UNC5D: variants seen among roughly 807,000 people sequenced by gnomAD.
UNC5D encodes the protein netrin receptor UNC5D.
Under a neutral mutation model 105.4 loss-of-function variants are expected in UNC5D, and 39 were observed. The ratio of observed to expected loss-of-function variants is 0.37; its 90% CI spans 0.29 to 0.48. The LOEUF is 0.48. UNC5D is among the 20% of genes least tolerant of loss of function. The probability of loss-of-function intolerance (pLI) is 0.98; values close to 1 mark genes in which losing one functional copy is unlikely to be tolerated. For missense variants in UNC5D, 991 were observed against 1,202.4 expected, an observed-to-expected ratio of 0.82 and a Z score of 2.60; for synonymous variants, 452 against 450.4, an observed-to-expected ratio of 1.00 and a Z score of -0.04.
At position 35,260,426 on chromosome 8, in the gene UNC5D, C is replaced by G. The variant is rs555261703; in HGVS notation, c.103+24539C>G. 6.6e-5 allele frequency among the ~76,000 whole-genome samples: 10 copies of G among 152,296 alleles called. No individual in the cohort carries two copies. In the South Asian group the frequency reaches 1.7e-3, roughly 25 times the overall value. On this transcript the variant is annotated intron_variant, in intron 1 of 16. Coordinates refer to ENST00000404895, the MANE Select transcript of UNC5D (RefSeq NM_080872.4). The stretch of plus-strand genomic sequence containing the variant: ...ATTTGCGTCGTCCACAAAGTACACA[C>G]GACCAAAGTGTTATCTGCAGGAAGG...
Position 35,343,418 on chromosome 8 carries a change from G to A in UNC5D, c.103+107531G>A, listed in dbSNP as rs947544273. On this transcript the variant is annotated intron_variant, in intron 1 of 16. Coordinates refer to ENST00000404895, the MANE Select transcript of UNC5D (RefSeq NM_080872.4). ...TCTTGTAAAAACATCTGATTTCATC[G>A]ATCACTCAATATTGAATACTTTCAT... Among the ~76,000 whole-genome samples, 4 of 152,034 alleles carry A rather than the reference G, an allele frequency of 2.6e-5. 1 individual carries two copies. Among genetic ancestry groups the A allele is most frequent in the Admixed American group, 1.3e-4 (2 of 15,256 alleles).
chr8:35,309,398 C>T (rs2128877432), intron 1 of UNC5D, among the ~76,000 whole-genome samples: 1 of 152,246 alleles, frequency 6.6e-6, no homozygotes, highest in South Asian at 2.1e-4. Flanking sequence ...GGATAACACC[C>T]AGAATCATTG....
intron 4 of UNC5D, among the ~76,000 whole-genome samples, chr8:35,670,988 G>GAAATAAATT (rs61603358): frequency 6.6e-6 from 1 of 151,518 alleles, no homozygotes; most frequent in African/African-American, 2.4e-5. Context: ...TTCAAGATGA[G>GAAATAAATT]AAATAACCTA....
At chr8:35,302,782 T>C (rs1430584654) in intron 1 of UNC5D, among the ~76,000 whole-genome samples, 1 of 152,174 alleles carries the variant, frequency 6.6e-6, no homozygotes, top group African/African-American at 2.4e-5. Flanking sequence ...ACAAGATAAG[T>C]ATGCCATCCT....
intron 1 of UNC5D, among the ~76,000 whole-genome samples, chr8:35,304,664 A>G (rs1808208899): frequency 6.6e-6 from 1 of 152,124 alleles, no homozygotes; most frequent in African/African-American, 2.4e-5. Context: ...AAAGACTGTA[A>G]TAATTTTGTA....
At chr8:35,271,181 A>G (rs1805258131) in intron 1 of UNC5D, among the ~76,000 whole-genome samples, 1 of 149,510 alleles carries the variant, frequency 6.7e-6, no homozygotes, top group African/African-American at 2.4e-5. Context: ...ATATTTGTAT[A>G]TATAAATTAA....
chr8:35,456,993 G>A (rs925724736), intron 1 of UNC5D, among the ~76,000 whole-genome samples: 1 of 152,138 alleles, frequency 6.6e-6, no homozygotes, highest in African/African-American at 2.4e-5. Context: ...GCATTTTCTC[G>A]AGGTTTTGAG....
chr8:35,787,708 C>G (rs373650523), intron 16 of UNC5D, among the ~76,000 whole-genome samples: 3 of 152,130 alleles, frequency 2.0e-5, no homozygotes, highest in African/African-American at 7.2e-5. Context: ...GCTTTGAACT[C>G]CTGGGCTTAT....
chr8:35,779,917 A>G (rs1217702064), intron 16 of UNC5D, among the ~76,000 whole-genome samples: 1 of 152,192 alleles, frequency 6.6e-6, no homozygotes, highest in Non-Finnish European at 1.5e-5. Flanking sequence ...CTGAAATTCT[A>G]TTAGATCATT....
At chr8:35,734,296 A>C (rs1829342244) in intron 11 of UNC5D, among the ~76,000 whole-genome samples, 1 of 125,308 alleles carries the variant, frequency 8.0e-6, no homozygotes, top group Admixed American at 1.1e-4. Context: ...ACAGTGCTTT[A>C]CTCCCTCTGC....
intron 7 of UNC5D, among the ~76,000 whole-genome samples, chr8:35,700,461 GA>G (rs1461744846): frequency 5.3e-5 from 8 of 151,334 alleles, no homozygotes; most frequent in South Asian, 4.2e-4. Flanking sequence ...TTAATTTTTG[GA>G]AAAAAAATAC....
chr8:35,326,618 G>A (rs1810180213), intron 1 of UNC5D, among the ~76,000 whole-genome samples: 1 of 152,120 alleles, frequency 6.6e-6, no homozygotes, highest in South Asian at 2.1e-4. Flanking sequence ...GCCAAGCTTG[G>A]AGGCACAAGC....
chr8:35,321,859 C>T (rs564209547), intron 1 of UNC5D, among the ~76,000 whole-genome samples: 2 of 152,288 alleles, frequency 1.3e-5, no homozygotes, highest in Non-Finnish European at 2.9e-5. Flanking sequence ...TCACTTCTTA[C>T]TTCACCTTCC....
At chr8:35,310,217 T>C (rs536229615) in intron 1 of UNC5D, among the ~76,000 whole-genome samples, 1 of 152,336 alleles carries the variant, frequency 6.6e-6, no homozygotes, top group South Asian at 2.1e-4. Flanking sequence ...ATGTTCTGTT[T>C]GCTTTAATAT....
At chr8:35,635,463 G>A (rs1352344187) in intron 4 of UNC5D, among the ~76,000 whole-genome samples, 1 of 152,128 alleles carries the variant, frequency 6.6e-6, no homozygotes. Context: ...ACCAGCTCTG[G>A]CTTTGAAGCA....
At chr8:35,260,881 G>A (rs1241780564) in intron 1 of UNC5D, among the ~76,000 whole-genome samples, 2 of 152,132 alleles carry the variant, frequency 1.3e-5, no homozygotes, top group Non-Finnish European at 2.9e-5. Flanking sequence ...ATTAGCTCCA[G>A]ACCCTGGTTC....
intron 1 of UNC5D, among the ~76,000 whole-genome samples, chr8:35,421,924 C>T (rs1319604597): frequency 4.6e-5 from 7 of 152,174 alleles, no homozygotes; most frequent in Admixed American, 2.6e-4. Context: ...TTCACTGATG[C>T]TCTTCTGAAA....
At chr8:35,408,896 C>T (rs143805899) in intron 1 of UNC5D, among the ~76,000 whole-genome samples, 2 of 152,104 alleles carry the variant, frequency 1.3e-5, no homozygotes, top group East Asian at 3.9e-4. Context: ...ATTCAAGATA[C>T]AGAGTAATTA....
chr8:35,381,546 G>T (rs1433645803), intron 1 of UNC5D, among the ~76,000 whole-genome samples: 1 of 152,174 alleles, frequency 6.6e-6, no homozygotes, highest in East Asian at 1.9e-4. Flanking sequence ...CCGTGATTAT[G>T]TGTCTTAACT....
Sources: gnomAD v4.1 joint callset for allele counts (sites outside exome capture counted in the v4.1 genomes callset) on GRCh38, gnomAD v4.1.1 for gene constraint, MANE v1.5 for transcripts, NCBI Gene and HGNC (gene_info 2026-07-23, HGNC 2026-07-21) for gene names.